Variants in CDHR2 observed in about 807,000 individuals in gnomAD.
CDHR2 encodes the protein cadherin-related family member 2.
In CDHR2, 104 loss-of-function variants were observed where a neutral mutation model predicts 138.6. That is an observed-to-expected ratio of 0.75 (90% CI 0.64 to 0.88). The LOEUF (loss-of-function observed/expected upper bound fraction) is 0.88. Ranked by LOEUF, CDHR2 falls within the 40% of genes least tolerant of loss-of-function variation. The pLI is 0.00. For missense variants in CDHR2, 1,624 were observed against 1,727.6 expected, an observed-to-expected ratio of 0.94 and a Z score of 1.06; for synonymous variants, 755 against 742.8, an observed-to-expected ratio of 1.02 and a Z score of -0.27.
chr5:176,573,944 G>A (rs1216511708), intron 6 of CDHR2, 139 bp from the exon 7 acceptor site: 11 of 638,610 alleles, frequency 1.7e-5, no homozygotes, highest in African/African-American at 5.5e-5. Flanking sequence ...CCTTCCACCC[G>A]CAGCCCTGGT....
intron 31 of CDHR2, among the ~76,000 whole-genome samples, chr5:176,593,247 T>C (rs1251182172): frequency 1.3e-5 from 2 of 151,768 alleles, no homozygotes; most frequent in Admixed American, 1.3e-4. Flanking sequence ...AACAGGTGAG[T>C]TGGTTGGATG....
At position 176,574,127 on chromosome 5, in the gene CDHR2, TAA is replaced by T; in HGVS notation, c.452_453del (p.Lys151ArgfsTer18). ...SVVFSVLAVD[K>X]DMGSAGMVVY... is the part of the protein sequence containing the mutation. The stretch of plus-strand genomic sequence containing the variant: ...TGGTGTTCTCCGTGCTGGCCGTGGA[TAA>T]AGACATGGGGTCTGCAGGCATGGTC... On this transcript the variant is annotated frameshift_variant, in exon 7 of 32. Transcript: ENST00000261944. LOFTEE classifies it high-confidence loss of function. 10 of 1,614,034 alleles carry T rather than the reference TAA, an allele frequency of 6.2e-6. No homozygotes were observed. Among genetic ancestry groups the T allele is most frequent in the Non-Finnish European group, 8.5e-6 (10 of 1,179,952 alleles).
Position 176,586,015 on chromosome 5 carries a change from T to A in CDHR2, c.2796T>A (p.Asn932Lys). The change falls in exon 20 of 32, where the codon AAT (asparagine) becomes AAA (lysine). Residue 932 changes from asparagine (N) to lysine (K), a missense_variant. Physicochemically the swap from Asn to Lys is moderately conservative, Grantham distance 94 (BLOSUM62 0). This residue lies in a region of CDHR2 where 556 missense variants were observed against 565.7 expected (regional missense o/e 0.98). Transcript: ENST00000261944. ...NDNAPYFLPE[N>K]KTFVIIPELV... The stretch of plus-strand genomic sequence containing the variant: ...ATGCACCCTATTTTCTGCCTGAGAA[T>A]AAGACTTTTGGTAAGCAGCAACCCC... The A allele has an allele frequency of 6.2e-7, 1 of 1,613,884 alleles. No homozygotes were observed. Among genetic ancestry groups the A allele is most frequent in the Non-Finnish European group, 8.5e-7 (1 of 1,179,828 alleles).
chr5:176,588,596 A>AAT (rs1554144003), intron 21 of CDHR2, among the ~76,000 whole-genome samples: 2 of 142,538 alleles, frequency 1.4e-5, no homozygotes, highest in Non-Finnish European at 3.1e-5. Context: ...GGTGTGTATG[A>AAT]GTGTGTGTGC....
chr5:176,551,288 C>G (rs766623422), intron 1 of CDHR2, among the ~76,000 whole-genome samples: 5 of 152,118 alleles, frequency 3.3e-5, no homozygotes, highest in Non-Finnish European at 7.4e-5. Flanking sequence ...CTGCCTCAGC[C>G]TCCCGAATAG....
chr5:176,590,783 C>T, intron 28 of CDHR2, 96 bp downstream of exon 28: 1 of 1,532,468 alleles, frequency 6.5e-7, no homozygotes, highest in Non-Finnish European at 8.9e-7. Context: ...GGCTTAGGCA[C>T]AGGTATACAT....
intron 20 of CDHR2, 197 bp from the exon 21 acceptor site, chr5:176,586,596 G>T: frequency 1.7e-6 from 1 of 587,210 alleles, no homozygotes; most frequent in Non-Finnish European, 3.0e-6. Flanking sequence ...CTGTGGGCCT[G>T]TGACCTCACC....
intron 31 of CDHR2, among the ~76,000 whole-genome samples, chr5:176,594,761 G>A (rs1758976381): frequency 6.6e-6 from 1 of 152,214 alleles, no homozygotes; most frequent in African/African-American, 2.4e-5. Context: ...GGGGAGGGCG[G>A]TGGTGGCCGG....
intron 31 of CDHR2, among the ~76,000 whole-genome samples, chr5:176,593,220 A>G (rs1466837144): frequency 6.6e-6 from 1 of 152,100 alleles, no homozygotes; most frequent in African/African-American, 2.4e-5. Context: ...AATAAACAAC[A>G]GTACCGCCAT....
chr5:176,575,933 C>A lies in CDHR2; in HGVS notation c.961-19C>A. 1 of 1,604,106 alleles carries A rather than the reference C, an allele frequency of 6.2e-7. No individual in the cohort carries two copies. The highest frequency in any genetic ancestry group is 1.1e-5 in the South Asian group (1 of 90,012). On this transcript the variant is annotated intron_variant, in intron 11 of 31. Coordinates refer to ENST00000261944, the MANE Select transcript of CDHR2 (RefSeq NM_017675.6). ...TGAGCACTGGCTCTCTGCCCTCTGC[C>A]CTCTGCTCTGTGCCTCAGGCCACCG...
chr5:176,556,251 C>G (rs556639119), intron 1 of CDHR2, among the ~76,000 whole-genome samples: 38 of 152,356 alleles, frequency 2.5e-4, no homozygotes, highest in African/African-American at 9.1e-4. Flanking sequence ...CACCTGTAAT[C>G]TCATCACTTT....
chr5:176,561,488 G>A (rs914815361), intron 1 of CDHR2, among the ~76,000 whole-genome samples: 2 of 152,134 alleles, frequency 1.3e-5, no homozygotes, highest in African/African-American at 4.8e-5. Flanking sequence ...CTTCTGGCCT[G>A]GTGGGAGAGG....
intron 16 of CDHR2, 109 bp downstream of exon 16, chr5:176,578,717 ACAGT>A: frequency 7.0e-7 from 1 of 1,426,876 alleles, no homozygotes; most frequent in South Asian, 1.3e-5. Flanking sequence ...TGGCTCTGAG[ACAGT>A]CACTCAGAGT....
intron 7 of CDHR2, among the ~76,000 whole-genome samples, 175 bp from the exon 8 acceptor site, chr5:176,574,909 G>A (rs1232363621): frequency 6.6e-6 from 1 of 152,176 alleles, no homozygotes; most frequent in East Asian, 1.9e-4. Context: ...ACTGAGGGTT[G>A]TCACCAGCCC....
chr5:176,574,977 C>T lies in CDHR2; in HGVS notation c.496-107C>T, dbSNP rs562136405. 13 of 1,374,236 alleles carry T rather than the reference C, an allele frequency of 9.5e-6. No individual in the cohort carries two copies. In the East Asian group the frequency reaches 1.2e-4, roughly 12 times the overall value. The allele number at this position is 1,374,236 out of a possible 1,614,324, so 85.1% of individuals were successfully genotyped here. On this transcript the variant is annotated intron_variant, in intron 7 of 31. Coordinates refer to ENST00000261944, the MANE Select transcript of CDHR2 (RefSeq NM_017675.6). The stretch of plus-strand genomic sequence containing the variant: ...AGGTCATATGACCTGGTGCCAGTGG[C>T]GTGACTGGTCAGTGGCAGAGCTGGG...
intron 14 of CDHR2, 100 bp downstream of exon 14, chr5:176,577,898 GC>G: frequency 1.3e-6 from 2 of 1,493,430 alleles, no homozygotes; most frequent in South Asian, 1.2e-5. Context: ...GATGGGGGTG[GC>G]CATGAGTGAA....
intron 3 of CDHR2, 52 bp downstream of exon 3, chr5:176,565,795 A>C: frequency 6.8e-7 from 1 of 1,475,302 alleles, no homozygotes; most frequent in Non-Finnish European, 9.4e-7. Context: ...CCCACAGGAA[A>C]GTCCTGGGGT....
At chr5:176,546,568 C>T (rs556584309), upstream of CDHR2, among the ~76,000 whole-genome samples, 2 of 151,326 alleles carry the variant, frequency 1.3e-5, no homozygotes, top group South Asian at 4.2e-4. Context: ...CTTGCCCTGC[C>T]AAAATTGAAC....
At chr5:176,588,664 A>T (rs1451574592) in intron 21 of CDHR2, among the ~76,000 whole-genome samples, 3 of 138,636 alleles carry the variant, frequency 2.2e-5, no homozygotes, top group African/African-American at 8.2e-5. Context: ...AGTGTGTGAG[A>T]GTGTGTGTGT....
Sources: allele counts gnomAD v4.1 joint callset (sites outside exome capture counted in the v4.1 genomes callset), GRCh38; gene constraint gnomAD v4.1.1; regional missense constraint gnomAD v4.1.1; transcripts MANE v1.5; gene names NCBI Gene and HGNC (gene_info 2026-07-23, HGNC 2026-07-21).